The following BRCA1 variants were observed in gnomAD, a reference collection of about 807,000 sequenced individuals.
BRCA1 encodes the protein breast cancer type 1 susceptibility protein.
A neutral mutation model predicts 173.7 loss-of-function variants in BRCA1; 140 were observed. The observed-to-expected ratio is 0.81, with a 90% CI of 0.70 to 0.93. The LOEUF (loss-of-function observed/expected upper bound fraction) is 0.93, where lower values mean the gene tolerates loss of function less well. BRCA1 is among the 40% of genes least tolerant of loss of function. The probability of loss-of-function intolerance (pLI) is 0.00; values close to 1 mark genes in which losing one functional copy is unlikely to be tolerated. For synonymous variants in BRCA1, 662 were observed against 756.0 expected (o/e 0.88, Z 2.04); for missense variants, 1,983 against 2,172.5 (o/e 0.91, Z 1.73).
intron 22 of BRCA1, among the ~76,000 whole-genome samples, chr17:43,046,115 G>A (rs1415864957): frequency 6.6e-6 from 1 of 151,040 alleles, no homozygotes; most frequent in Admixed American, 6.6e-5. Context: ...AGAGACGGGG[G>A]TTTCACAATG....
intron 1 of BRCA1, chr17:43,132,671 G>C (rs556451884): frequency 6.6e-6 from 1 of 150,866 alleles, no homozygotes; most frequent in Non-Finnish European, 1.5e-5. Flanking sequence ...CTCTGCCTCC[G>C]GGTTCAAGCA....
intron 15 of BRCA1, 139 bp from the exon 16 acceptor site, chr17:43,067,834 G>C: frequency 3.7e-6 from 1 of 273,622 alleles, no homozygotes. Flanking sequence ...TATTTAAAGT[G>C]AATTTTTTTT....
rs864622444 is a variant in BRCA1 at position 43,104,882 on chromosome 17, T to A, written c.287A>T (p.Asp96Val). 6.2e-7 allele frequency: 1 copy of A among 1,613,858 alleles called. No homozygotes were observed. Among genetic ancestry groups the A allele is most frequent in the Non-Finnish European group, 8.5e-7 (1 of 1,179,862 alleles). The change falls in exon 5 of 23, where the codon GAC (aspartate) becomes GTC (valine). Residue 96 changes from aspartate to valine, a missense_variant. Coordinates refer to ENST00000357654, the MANE Select transcript of BRCA1 (RefSeq NM_007294.4). ...TCAACACTTACACTCCAAACCTGTG[T>A]CAAGCTGAAAAGCACAAATGATTTT... is the stretch of plus-strand genomic sequence containing the variant. ...LLKIICAFQL[D>V]TGLEYANSYN...
rs148120486 is a variant in BRCA1 at position 43,116,981 on chromosome 17, A to T, written c.81-1202T>A. ...TGTTCCTCTAGCCTTATTTCCTATA[A>T]ACTAGACTTACAGGCTTAATCATTC... is the stretch of plus-strand genomic sequence containing the variant. On this transcript the variant is annotated intron_variant, in intron 2 of 22. Transcript: ENST00000357654. Among the ~76,000 whole-genome samples, 410 of 152,264 alleles carry T rather than the reference A, an allele frequency of 2.7e-3. 1 individual carries two copies. The highest frequency in any genetic ancestry group is 9.2e-3 in the African/African-American group (384 of 41,540).
intron 3 of BRCA1, among the ~76,000 whole-genome samples, chr17:43,110,296 T>G (rs1401556396): frequency 6.6e-6 from 1 of 152,100 alleles, no homozygotes; most frequent in Non-Finnish European, 1.5e-5. Context: ...CAGAGCTAAC[T>G]AAAATACTGG....
At chr17:43,170,044 A>G (rs985255967) in intron 1 of BRCA1, 17 of 420,676 alleles carry the variant, frequency 4.0e-5, no homozygotes, top group Admixed American at 2.2e-4. Flanking sequence ...ATGAGGGCAG[A>G]GTAGATGCAG....
Position 43,051,068 on chromosome 17 carries a change from G to A in BRCA1, c.5327C>T (p.Pro1776Leu), listed in dbSNP as rs398122695. Residue 1776 changes from proline (P) to leucine (L), a missense_variant, in exon 20 of 23, where the codon CCC becomes CTC. Physicochemically the swap from Pro to Leu is moderately conservative, Grantham distance 98 (BLOSUM62 -3). Transcript: ENST00000357654. ...GGGTTCTCCCAGGCTCTTACCTGTG[G>A]GCATGTTGGTGAAGGGCCCATAGCA... ...ICCYGPFTNM[P>L]TDQLEWMVQL... 3.1e-6 allele frequency: 5 copies of A among 1,613,824 alleles called. No homozygotes were observed. Among genetic ancestry groups the A allele is most frequent in the East Asian group, 4.5e-5 (2 of 44,892 alleles).
At chr17:43,145,274 C>A (rs1428829163) in intron 1 of BRCA1, 2 of 653,356 alleles carry the variant, frequency 3.1e-6, no homozygotes, top group Admixed American at 4.0e-5. Flanking sequence ...TAGACCATGT[C>A]TTATCAGTGG....
chr17:43,143,325 C>T (rs928606305), intron 1 of BRCA1, among the ~76,000 whole-genome samples: 2 of 152,002 alleles, frequency 1.3e-5, no homozygotes, highest in African/African-American at 4.8e-5. Context: ...CAGTAAGGAA[C>T]TTTGGGAGAT....
At chr17:43,061,821 G>A (rs964953975) in intron 18 of BRCA1, among the ~76,000 whole-genome samples, 2 of 152,078 alleles carry the variant, frequency 1.3e-5, no homozygotes, top group Non-Finnish European at 2.9e-5. Flanking sequence ...CTGACCTCAA[G>A]TGATCCACCT....
At chr17:43,091,175 G>A in intron 10 of BRCA1, 143 bp from the exon 11 acceptor site, 1 of 937,450 alleles carries the variant, frequency 1.1e-6, no homozygotes, top group Non-Finnish European at 1.7e-6. Context: ...GGGACACCTG[G>A]ATTTGCTTTT....
At chr17:43,161,344 A>G (rs1231066822) in intron 1 of BRCA1, 1 of 152,214 alleles carries the variant, frequency 6.6e-6, no homozygotes, top group Admixed American at 6.5e-5. Flanking sequence ...ATAATACTGT[A>G]TGATTCTCTC....
chr17:43,100,657 CATATAT>C lies in BRCA1; in HGVS notation c.442-783_442-778del, dbSNP rs1215235568. On this transcript the variant is annotated intron_variant, in intron 6 of 22. Transcript: ENST00000357654. ...TTATATATATATAACATATATATAA[CATATAT>C]ATATATATATATATAATATATATAT... is the stretch of plus-strand genomic sequence containing the variant. Among the ~76,000 whole-genome samples, 3 of 16,118 alleles carry C rather than the reference CATATAT, an allele frequency of 1.9e-4. 1 individual carries two copies. The highest frequency in any genetic ancestry group is 2.2e-3 in the East Asian group (1 of 460). 10.6% of individuals were successfully genotyped at this position (16,118 alleles called of 152,430 possible). A position where few individuals can be genotyped will look rare whatever the true frequency, so the allele number is the denominator to read the frequency against.
chr17:43,073,748 GTA>G (rs375723816), intron 14 of BRCA1, among the ~76,000 whole-genome samples: 51 of 148,534 alleles, frequency 3.4e-4, no homozygotes, highest in Admixed American at 4.7e-4. Context: ...ATATATGTGT[GTA>G]TATATATATA....
At position 43,091,711 on chromosome 17, in the gene BRCA1, C is replaced by G. The variant is rs2053517601; in HGVS notation, c.3820G>C (p.Val1274Leu). 1 of 1,614,086 alleles carries G rather than the reference C, an allele frequency of 6.2e-7. No homozygotes were observed. Among genetic ancestry groups the G allele is most frequent in the Non-Finnish European group, 8.5e-7 (1 of 1,180,046 alleles). The change falls in exon 10 of 23, where the codon GTA becomes CTA. Residue 1274 changes from valine (V) to leucine (L), a missense_variant. Physicochemically the swap from Val to Leu is conservative, Grantham distance 32. Transcript: ENST00000357654. ...TCCTGAGATGCCTTTGCCAATATTACCTGGTTACTGCAGTCATTTAAGCTA... is the reference window on the plus strand; with the variant it reads ...TCCTGAGATGCCTTTGCCAATATTAGCTGGTTACTGCAGTCATTTAAGCTA... The part of the protein sequence containing the change: ...KNSLNDCSNQ[V>L]ILAKASQEHH...
intron 1 of BRCA1, among the ~76,000 whole-genome samples, chr17:43,134,807 G>A (rs1177470917): frequency 1.3e-5 from 2 of 152,120 alleles, no homozygotes; most frequent in Non-Finnish European, 2.9e-5. Context: ...ACCCCCAATA[G>A]CTGGTTTTAT....
chr17:43,057,134 T>C lies in BRCA1; in HGVS notation c.5195A>G (p.His1732Arg), dbSNP rs1597811076. 1.2e-6 allele frequency: 2 copies of C among 1,613,904 alleles called. No homozygotes were observed. The highest frequency in any genetic ancestry group is 1.7e-6 in the Non-Finnish European group (2 of 1,179,840). The change falls in exon 19 of 23, where the codon CAT (histidine) becomes CGT (arginine). Residue 1732 changes from histidine (H) to arginine (R), a missense_variant and splice_region_variant. Transcript: ENST00000357654. ...SIKERKMLNEHDFEVRGDVVN... is the reference protein window; with the variant it reads ...SIKERKMLNERDFEVRGDVVN... ...CACATCTCCTCTGACTTCAAAATCA[T>C]GCTGAAAGAAACCAAACACAACCCA...
At chr17:43,085,228 G>A (rs1275753578) in intron 11 of BRCA1, among the ~76,000 whole-genome samples, 1 of 151,976 alleles carries the variant, frequency 6.6e-6, no homozygotes, top group African/African-American at 2.4e-5. Context: ...GACCCTTAGT[G>A]CTCCATCCTG....
intron 10 of BRCA1, 182 bp from the exon 11 acceptor site, chr17:43,091,214 A>G: frequency 2.4e-6 from 2 of 850,432 alleles, no homozygotes; most frequent in Non-Finnish European, 3.8e-6. Flanking sequence ...TAAGTCCACC[A>G]GTAATTAGGA....
Sources: allele counts gnomAD v4.1 joint callset (sites outside exome capture counted in the v4.1 genomes callset), GRCh38; gene constraint gnomAD v4.1.1; transcripts MANE v1.5; gene names NCBI Gene and HGNC (gene_info 2026-07-23, HGNC 2026-07-21).